The following USP33 variants were observed in gnomAD, a reference collection of about 807,000 sequenced individuals.
USP33 encodes ubiquitin specific peptidase 33, also known as ubiquitin carboxyl-terminal hydrolase 33.
A neutral mutation model predicts 124.2 loss-of-function variants in USP33; 46 were observed. That is an observed-to-expected ratio of 0.37 (90% confidence interval 0.29 to 0.47). The LOEUF is 0.47. Ranked by LOEUF, USP33 falls within the 20% of genes least tolerant of loss-of-function variation. The pLI is 0.99. For missense variants in USP33, 851 were observed against 1,070.6 expected (o/e 0.79, Z 2.86); for synonymous variants, 350 against 352.3 (o/e 0.99, Z 0.07).
At chr1:77,733,827 T>C (rs777875093) in intron 7 of USP33, among the ~76,000 whole-genome samples, 12 of 152,216 alleles carry the variant, frequency 7.9e-5, no homozygotes, top group Non-Finnish European at 1.8e-4. Context: ...ATCACTGCTC[T>C]ATAATTTAAT....
Position 77,714,606 on chromosome 1 carries a change from G to A in USP33, c.2215+8C>T. On this transcript the variant is annotated splice_region_variant and intron_variant, in intron 19 of 23. Transcript: ENST00000370794. ...TCTACTACCGGTTTGCATTACAGGA[G>A]TTCTTACCTCCATGAATACAAAGAA... 6.2e-7 allele frequency: 1 copy of A among 1,610,876 alleles called. No homozygotes were observed. Among genetic ancestry groups the A allele is most frequent in the Non-Finnish European group, 8.5e-7 (1 of 1,179,352 alleles).
At chr1:77,713,142 C>A (rs1675456750) in intron 20 of USP33, 58 bp downstream of exon 20, 1 of 1,420,772 alleles carries the variant, frequency 7.0e-7, no homozygotes, top group Non-Finnish European at 9.7e-7. Flanking sequence ...ATCCAAACCC[C>A]TTTTAACCAG....
At chr1:77,700,073 A>G (rs1348356969) in intron 22 of USP33, among the ~76,000 whole-genome samples, 1 of 152,226 alleles carries the variant, frequency 6.6e-6, no homozygotes, top group East Asian at 1.9e-4. Context: ...GGAGAACAAC[A>G]GGAAAAACAG....
Position 77,718,007 on chromosome 1 carries a change from A to G in USP33, c.1778T>C (p.Met593Thr). The G allele has an allele frequency of 1.2e-6, 2 of 1,611,838 alleles. No individual in the cohort carries two copies. The highest frequency in any genetic ancestry group is 1.7e-6 in the Non-Finnish European group (2 of 1,179,126). The change falls in exon 17 of 24, where the codon ATG becomes ACG. Residue 593 changes from methionine (M) to threonine (T), a missense_variant. By Grantham distance (81) the Met-to-Thr change is moderately conservative. Around this residue, in one of 4 missense-constraint regions of USP33, gnomAD observed 281 missense variants for 425.0 expected, o/e 0.66. Coordinates refer to ENST00000370794, the MANE Select transcript of USP33 (RefSeq NM_201624.3). ...ATGGGTACTGATTTTGGTGGAAAAC[A>G]TTAGTTCATGTCTGAATCTTTTAAG... ...IHLKRFRHEL[M>T]FSTKISTHVS...
chr1:77,712,153 T>C (rs1281922437), intron 20 of USP33, among the ~76,000 whole-genome samples: 2 of 152,192 alleles, frequency 1.3e-5, no homozygotes, highest in Non-Finnish European at 2.9e-5. Flanking sequence ...ATATAAATCT[T>C]AGTTACACAT....
chr1:77,716,231 T>G (rs1675882962), intron 17 of USP33, among the ~76,000 whole-genome samples: 1 of 151,878 alleles, frequency 6.6e-6, no homozygotes, highest in Non-Finnish European at 1.5e-5. Context: ...GCTAATTTAT[T>G]TTTGTTTTTT....
chr1:77,730,195 CT>C (rs1677648095), intron 8 of USP33, among the ~76,000 whole-genome samples: 1 of 152,136 alleles, frequency 6.6e-6, no homozygotes, highest in Non-Finnish European at 1.5e-5. Context: ...TGCAAGTTTC[CT>C]GAATAGTTCT....
intron 17 of USP33, among the ~76,000 whole-genome samples, chr1:77,717,333 C>A (rs1355865662): frequency 1.3e-5 from 2 of 151,532 alleles, no homozygotes; most frequent in Non-Finnish European, 2.9e-5. Flanking sequence ...ACTAAAAATA[C>A]AAAAAAATTA....
intron 8 of USP33, 108 bp downstream of exon 8, chr1:77,730,510 T>C: frequency 1.3e-6 from 1 of 749,922 alleles, no homozygotes; most frequent in East Asian, 3.1e-5. Flanking sequence ...CTCTAATCTA[T>C]CTCTCTTCTA....
At chr1:77,708,496 G>A (rs1431994816) in intron 21 of USP33, among the ~76,000 whole-genome samples, 1 of 152,122 alleles carries the variant, frequency 6.6e-6, no homozygotes, top group Non-Finnish European at 1.5e-5. Context: ...ATTCACTTGG[G>A]TCCTGATAGT....
chr1:77,698,215 C>T (rs1187061783), intron 22 of USP33, among the ~76,000 whole-genome samples: 1 of 151,316 alleles, frequency 6.6e-6, no homozygotes, highest in African/African-American at 2.4e-5. Context: ...AGGCACACAC[C>T]ACCACGCCCG....
intron 12 of USP33, among the ~76,000 whole-genome samples, chr1:77,722,753 T>C (rs568465073): frequency 6.6e-6 from 1 of 152,332 alleles, no homozygotes; most frequent in South Asian, 2.1e-4. Context: ...GTTTTTGAGA[T>C]GTTATTTCAT....
intron 1 of USP33, among the ~76,000 whole-genome samples, chr1:77,754,977 G>C (rs1159508488): frequency 6.6e-6 from 1 of 152,076 alleles, no homozygotes; most frequent in Non-Finnish European, 1.5e-5. Context: ...GGCAAAATAT[G>C]GTCAATTCTA....
intron 5 of USP33, among the ~76,000 whole-genome samples, chr1:77,738,823 T>C (rs1331889150): frequency 6.6e-6 from 1 of 152,212 alleles, no homozygotes; most frequent in Non-Finnish European, 1.5e-5. Flanking sequence ...TGCTAAGCTT[T>C]ATTATATTCT....
chr1:77,738,300 T>C (rs892814179), intron 5 of USP33, among the ~76,000 whole-genome samples: 1 of 152,208 alleles, frequency 6.6e-6, no homozygotes, highest in Non-Finnish European at 1.5e-5. Context: ...AAAAACTTGC[T>C]GTTAATCAAA....
intron 11 of USP33, among the ~76,000 whole-genome samples, chr1:77,723,962 C>T (rs1045399724): frequency 6.6e-6 from 1 of 151,968 alleles, no homozygotes; most frequent in South Asian, 2.1e-4. Context: ...CCGCACCCAG[C>T]CTGTTTTTTT....
At position 77,697,178 on chromosome 1, in the gene USP33, G is replaced by C; in HGVS notation, c.*139C>G. On this transcript the variant is annotated 3_prime_UTR_variant, in exon 24 of 24. Transcript: ENST00000370794. ...ACATTTTAATATATTCTTCCATAAT[G>C]CCCACTAAGAAGAAATAAATGGGAT... 2 of 754,566 alleles carry C rather than the reference G, an allele frequency of 2.7e-6. No homozygotes were observed. Among genetic ancestry groups the C allele is most frequent in the Non-Finnish European group, 4.2e-6 (2 of 480,798 alleles). 46.7% of individuals were successfully genotyped at this position (754,566 alleles called of 1,614,324 possible).
intron 1 of USP33, among the ~76,000 whole-genome samples, chr1:77,744,066 G>A (rs1374668426): frequency 1.3e-5 from 2 of 151,160 alleles, no homozygotes; most frequent in Non-Finnish European, 2.9e-5. Flanking sequence ...AGAGGTTGCA[G>A]TGAGCTGAGA....
chr1:77,753,836 T>A (rs1005842156), intron 1 of USP33, among the ~76,000 whole-genome samples: 8 of 149,684 alleles, frequency 5.3e-5, no homozygotes, highest in Non-Finnish European at 1.5e-5. Context: ...TACGTTAATA[T>A]ATAATTACAT....
Sources: gnomAD v4.1 joint callset for allele counts (sites outside exome capture counted in the v4.1 genomes callset) on GRCh38, gnomAD v4.1.1 for gene constraint, gnomAD v4.1.1 regional missense constraint, MANE v1.5 for transcripts, NCBI Gene and HGNC (gene_info 2026-07-23, HGNC 2026-07-21) for gene names.